AHNAK: variants seen among roughly 807,000 people sequenced by gnomAD.
AHNAK encodes neuroblast differentiation-associated protein AHNAK.
In AHNAK, 23 loss-of-function variants were observed where a neutral mutation model predicts 37.8. That is an observed-to-expected ratio of 0.61 (90% CI 0.44 to 0.86). The LOEUF is 0.86. AHNAK is among the 40% of genes least tolerant of loss of function. AHNAK has a pLI of 0.00. For missense variants in AHNAK, 7,411 were observed against 7,319.4 expected, an observed-to-expected ratio of 1.01 and a Z score of -0.46; for synonymous variants, 2,481 against 2,636.3, an observed-to-expected ratio of 0.94 and a Z score of 1.80.
chr11:62,525,547 T>A lies in AHNAK; in HGVS notation c.8870A>T (p.Asn2957Ile), dbSNP rs758222746. 1 of 1,614,020 alleles carries A rather than the reference T, an allele frequency of 6.2e-7. No homozygotes were observed. Among genetic ancestry groups the A allele is most frequent in the South Asian group, 1.1e-5 (1 of 91,068 alleles). ...CATGGGGATCTTGGGGGCTTTGATA[T>A]TCATCTCTGGCATCTTGAACTTGGG... ...KGPKFKMPEM[N>I]IKAPKIPMPD... Residue 2957 changes from asparagine to isoleucine, a missense_variant, in exon 5 of 5, where the codon AAT (asparagine) becomes ATT (isoleucine). By Grantham distance (149) the Asn-to-Ile change is moderately radical (BLOSUM62 -3). Coordinates refer to ENST00000378024, the MANE Select transcript of AHNAK (RefSeq NM_001620.3).
chr11:62,532,290 T>C lies in AHNAK; in HGVS notation c.2127A>G (p.Thr709=). The C allele has an allele frequency of 6.2e-7, 1 of 1,613,478 alleles. No individual in the cohort carries two copies. The highest frequency in any genetic ancestry group is 8.5e-7 in the Non-Finnish European group (1 of 1,179,834). The stretch of plus-strand genomic sequence containing the variant: ...TTACATCATACTCTCCCTTCACCTT[T>C]GTACCTTTCACGTGCAAATCTACAT... The part of the protein sequence containing the change: ...MPDVDLHVKG[T]KVKGEYDVTV... The change falls in exon 5 of 5, where the codon ACA becomes ACG. Residue 709 remains threonine (T), a synonymous_variant. Transcript: ENST00000378024.
chr11:62,481,127 C>G (rs1273053088), intron 5 of AHNAK, among the ~76,000 whole-genome samples: 2 of 148,132 alleles, frequency 1.4e-5, no homozygotes, highest in Non-Finnish European at 3.0e-5. Flanking sequence ...TTTTTTGAGA[C>G]AGAGTTTCGC....
rs1263438121 is a variant in AHNAK at position 62,531,988 on chromosome 11, T to C, written c.2429A>G (p.Glu810Gly). The change falls in exon 5 of 5, where the codon GAG becomes GGG. Residue 810 changes from glutamate (E) to glycine (G), a missense_variant. Glu to Gly is a moderately conservative substitution (Grantham distance 98). Coordinates refer to ENST00000378024, the MANE Select transcript of AHNAK (RefSeq NM_001620.3). Reference sequence around the variant, plus strand: ...GATCTTGGGGACTTTGATGTTCATCTCAGGCATCTTAAACTTGGGCCCTTT... The same window carrying C: ...GATCTTGGGGACTTTGATGTTCATCCCAGGCATCTTAAACTTGGGCCCTTT... ...KLKGPKFKMP[E>G]MNIKVPKISM... The C allele has an allele frequency of 1.2e-6, 2 of 1,614,056 alleles. No individual in the cohort carries two copies. Among genetic ancestry groups the C allele is most frequent in the Non-Finnish European group, 1.7e-6 (2 of 1,180,046 alleles).
chr11:62,434,726 A>C (rs1217775362), intron 5 of AHNAK, among the ~76,000 whole-genome samples: 1 of 152,154 alleles, frequency 6.6e-6, no homozygotes, highest in Non-Finnish European at 1.5e-5. Flanking sequence ...TCAGGAGTTC[A>C]AGACCAGGCT....
chr11:62,439,164 G>A (rs771785343), intron 5 of AHNAK, among the ~76,000 whole-genome samples: 4 of 135,872 alleles, frequency 2.9e-5, no homozygotes, highest in Non-Finnish European at 4.6e-5. Context: ...CGTGATCTCC[G>A]CTCACTGCAA....
Position 62,523,532 on chromosome 11 carries a change from C to A in AHNAK, c.10885G>T (p.Ala3629Ser). The change falls in exon 5 of 5, where the codon GCT (alanine) becomes TCT (serine). Residue 3629 changes from alanine to serine, a missense_variant. Coordinates refer to ENST00000378024, the MANE Select transcript of AHNAK (RefSeq NM_001620.3). ...TTGGGACCAGAAATGTCAATGTCAG[C>A]TTTAGGGAGGGTAACATCGACTTCA... The part of the protein sequence containing the change: ...GPEVDVTLPK[A>S]DIDISGPNVD... 6.2e-7 allele frequency: 1 copy of A among 1,614,006 alleles called. No individual in the cohort carries two copies. The highest frequency in any genetic ancestry group is 8.5e-7 in the Non-Finnish European group (1 of 1,180,008).
In AHNAK at chr11:62,518,932, G is replaced by A; in HGVS notation, c.15485C>T (p.Pro5162Leu). The change falls in exon 5 of 5, where the codon CCC (proline) becomes CTC (leucine). Residue 5162 changes from proline (P) to leucine (L), a missense_variant. Transcript: ENST00000378024. The stretch of plus-strand genomic sequence containing the variant: ...TGCACCCAAGTTTGCCTGCACTTTG[G>A]GGCCTTTCAGGTCACCCTCTATTTT... ...VPKIEGDLKG[P>L]KVQANLGAPD... The A allele has an allele frequency of 6.2e-7, 1 of 1,614,092 alleles. No homozygotes were observed. The highest frequency in any genetic ancestry group is 8.5e-7 in the Non-Finnish European group (1 of 1,180,010).
Position 62,523,640 on chromosome 11 carries a change from C to A in AHNAK, c.10777G>T (p.Val3593Phe), listed in dbSNP as rs768952577. The change falls in exon 5 of 5, where the codon GTT becomes TTT. Residue 3593 changes from valine (V) to phenylalanine (F), a missense_variant. Physicochemically the swap from Val to Phe is conservative, Grantham distance 50. Transcript: ENST00000378024. ...KVDINAPDVDVHGPDWHLKMP... is the reference protein window; with the variant it reads ...KVDINAPDVDFHGPDWHLKMP... ...TTCAGATGCCAGTCTGGACCATGAA[C>A]ATCCACATCTGGGGCATTGATGTCC... is the stretch of plus-strand genomic sequence containing the variant. 3.1e-6 allele frequency: 5 copies of A among 1,613,976 alleles called. No homozygotes were observed. The African/African-American group carries it at 6.7e-5, about 22-fold the overall frequency.
At chr11:62,463,064 C>G (rs1938826005) in intron 5 of AHNAK, among the ~76,000 whole-genome samples, 1 of 140,486 alleles carries the variant, frequency 7.1e-6, no homozygotes, top group African/African-American at 2.7e-5. Flanking sequence ...GCAGAGGTTG[C>G]AGTGAGGCGA....
At chr11:62,459,278 C>A (rs1938735556) in intron 5 of AHNAK, among the ~76,000 whole-genome samples, 1 of 152,212 alleles carries the variant, frequency 6.6e-6, no homozygotes, top group Non-Finnish European at 1.5e-5. Flanking sequence ...CCACAGGGAA[C>A]TGACTCAGGG....
chr11:62,533,016 C>T lies in AHNAK; in HGVS notation c.1401G>A (p.Gly467=), dbSNP rs1565246266. ...TAGCAATCTCAGGCAGGCTGACATC[C>T]CCAGAGACCCCAGGAACAGTCACTT... ...TGEVTVPGVS[G]DVSLPEIATG... Residue 467 remains glycine, a synonymous_variant, in exon 5 of 5, where the codon GGG becomes GGA. Coordinates refer to ENST00000378024, the MANE Select transcript of AHNAK (RefSeq NM_001620.3). The T allele has an allele frequency of 1.2e-6, 2 of 1,614,064 alleles. No homozygotes were observed. Among genetic ancestry groups the T allele is most frequent in the Non-Finnish European group, 1.7e-6 (2 of 1,180,008 alleles).
In AHNAK at chr11:62,536,070, A is replaced by C; in HGVS notation, c.29T>G (p.Leu10Arg). Residue 10 changes from leucine to arginine, a missense_variant, in exon 3 of 5, where the codon CTG becomes CGG. Physicochemically the swap from Leu to Arg is moderately radical, Grantham distance 102. Coordinates refer to ENST00000378024, the MANE Select transcript of AHNAK (RefSeq NM_001620.3). Reference protein sequence around the residue: MEKEETTRELLLPNWQGSGS... With the variant: MEKEETTRERLLPNWQGSGS... The stretch of plus-strand genomic sequence containing the variant: ...ACTACCCTGCCAGTTGGGCAGCAGC[A>C]GCTCCCGGGTTGTCTCCTCCTTCTC... The C allele has an allele frequency of 3.1e-6, 5 of 1,598,532 alleles. No individual in the cohort carries two copies. The highest frequency in any genetic ancestry group is 4.3e-6 in the Non-Finnish European group (5 of 1,171,836).
At chr11:62,496,753 T>C (rs1939617198) in intron 4 of AHNAK, among the ~76,000 whole-genome samples, 1 of 150,370 alleles carries the variant, frequency 6.7e-6, no homozygotes, top group African/African-American at 2.5e-5. Context: ...CGAGATCGCA[T>C]CACTGCACTC....
chr11:62,525,060 G>T lies in AHNAK; in HGVS notation c.9357C>A (p.Asp3119Glu), dbSNP rs974524148. ...MDVSLPKVEG[D>E]MKVPDVDIKG... ...TAATATCCACGTCAGGAACTTTCAT[G>T]TCACCTTCCACTTTTGGCAGAGACA... The change falls in exon 5 of 5, where the codon GAC becomes GAA. Residue 3119 changes from aspartate to glutamate, a missense_variant. Transcript: ENST00000378024. The T allele has an allele frequency of 1.2e-6, 2 of 1,613,880 alleles. No individual in the cohort carries two copies. The highest frequency in any genetic ancestry group is 8.5e-7 in the Non-Finnish European group (1 of 1,179,986).
chr11:62,478,211 C>T (rs948652035), intron 5 of AHNAK, among the ~76,000 whole-genome samples: 2 of 152,212 alleles, frequency 1.3e-5, no homozygotes, highest in Middle Eastern at 3.2e-3. Context: ...GTCTGGTCAG[C>T]ACACACATTC....
In AHNAK at chr11:62,451,736, CAAA is replaced by C. The variant is rs572246314; in HGVS notation, c.443-17848_443-17846del. 5.4e-3 allele frequency among the ~76,000 whole-genome samples: 611 copies of C among 113,466 alleles called. 12 individuals carry two copies. The highest frequency in any genetic ancestry group is 0.02 in the African/African-American group (569 of 28,006). The allele number at this position is 113,466 out of a possible 152,430, so 74.4% of individuals were successfully genotyped here. ...TGGGTGACAGAGCGAGACTCCGTCTCAAAAAAAAAAAAAAAAAAATTAATCTCA... is the reference window on the plus strand; with the variant it reads ...TGGGTGACAGAGCGAGACTCCGTCTCAAAAAAAAAAAAAAAATTAATCTCA... On this transcript the variant is annotated intron_variant, in intron 5 of 5. Transcript: ENST00000257247.
Position 62,532,963 on chromosome 11 carries a change from C to T in AHNAK, c.1454G>A (p.Gly485Asp), listed in dbSNP as rs1158129759. 1.9e-6 allele frequency: 3 copies of T among 1,614,030 alleles called. No homozygotes were observed. Among genetic ancestry groups the T allele is most frequent in the Non-Finnish European group, 2.5e-6 (3 of 1,180,030 alleles). The change falls in exon 5 of 5, where the codon GGT becomes GAT. Residue 485 changes from glycine (G) to aspartate (D), a missense_variant. By Grantham distance (94) the Gly-to-Asp change is moderately conservative (BLOSUM62 -1). Transcript: ENST00000378024. ...CATTTCAGGAGTCTTCACTTTAGTA[C>T]CTTTCATCTTTCCTTCCAGCCCACC... ...ATGGLEGKMKGTKVKTPEMII... is the reference protein window; with the variant it reads ...ATGGLEGKMKDTKVKTPEMII...
chr11:62,511,449 T>A (rs1738894479), downstream of AHNAK, among the ~76,000 whole-genome samples: 1 of 151,902 alleles, frequency 6.6e-6, no homozygotes, highest in Non-Finnish European at 1.5e-5. Context: ...AGAGACGGGG[T>A]ATCGCCATGT....
In AHNAK at chr11:62,518,269, G is replaced by A. The variant is rs758253867; in HGVS notation, c.16148C>T (p.Pro5383Leu). 1.9e-6 allele frequency: 3 copies of A among 1,614,042 alleles called. No homozygotes were observed. Among genetic ancestry groups the A allele is most frequent in the East Asian group, 2.2e-5 (1 of 44,894 alleles). Residue 5383 changes from proline (P) to leucine (L), a missense_variant, in exon 5 of 5, where the codon CCT (proline) becomes CTT (leucine). By Grantham distance (98) the Pro-to-Leu change is moderately conservative (BLOSUM62 -3). Transcript: ENST00000378024. ...ATCAGGAGCTCCTACGGATACTTTA[G>A]GGCATTTGATGTCACCAGAGACAGC... ...DLAVSGDIKC[P>L]KVSVGAPDLS...
Sources: gnomAD v4.1 joint callset for allele counts (sites outside exome capture counted in the v4.1 genomes callset) on GRCh38, gnomAD v4.1.1 for gene constraint, MANE v1.5 for transcripts, NCBI Gene and HGNC (gene_info 2026-07-23, HGNC 2026-07-21) for gene names.